The following ZYG11B variants were observed in gnomAD, a reference collection of about 807,000 sequenced individuals.
ZYG11B encodes protein zyg-11 homolog B.
In ZYG11B, 36 loss-of-function variants were observed where a neutral mutation model predicts 82.4. The observed-to-expected ratio is 0.44, with a 90% CI of 0.33 to 0.58. The LOEUF (loss-of-function observed/expected upper bound fraction) is 0.58, where lower values mean the gene tolerates loss of function less well. Ranked by LOEUF, ZYG11B falls within the 20% of genes least tolerant of loss-of-function variation. ZYG11B has a pLI of 0.02. For missense variants in ZYG11B, 552 were observed against 895.6 expected, an observed-to-expected ratio of 0.62 and a Z score of 4.90; for synonymous variants, 303 against 312.8, an observed-to-expected ratio of 0.97 and a Z score of 0.33.
chr1:52,827,254 AG>A lies in ZYG11B; in HGVS notation c.*5627del, dbSNP rs1645332274. ...CATGAATCATGCTGTATTTTAAATC[AG>A]GACATCACTTAAGTATTAATGTTGT... is the stretch of plus-strand genomic sequence containing the variant. On this transcript the variant is annotated 3_prime_UTR_variant, in exon 14 of 14. Transcript: ENST00000294353. The A allele has an allele frequency of 6.6e-6, 1 of 152,220 alleles. No individual in the cohort carries two copies. Among genetic ancestry groups the A allele is most frequent in the Admixed American group, 6.5e-5 (1 of 15,274 alleles). 9.4% of individuals were successfully genotyped at this position (152,220 alleles called of 1,614,324 possible). A position where few individuals can be genotyped will look rare whatever the true frequency, so the allele number is the denominator to read the frequency against.
intron 8 of ZYG11B, among the ~76,000 whole-genome samples, chr1:52,801,223 A>C (rs1645073422): frequency 6.6e-6 from 1 of 152,262 alleles, no homozygotes; most frequent in Non-Finnish European, 1.5e-5. Flanking sequence ...AAGGCTGAGG[A>C]GGGAGGGGCT....
At position 52,771,661 on chromosome 1, in the gene ZYG11B, A is replaced by T. The variant is rs1426977547; in HGVS notation, c.838A>T (p.Thr280Ser). ...GGATGTTTCTGGGAGAAAGCACGTGACAGATAAAGCCGTTGAAGCCTTTAT... is the reference window on the plus strand; with the variant it reads ...GGATGTTTCTGGGAGAAAGCACGTGTCAGATAAAGCCGTTGAAGCCTTTAT... ...SLDVSGRKHV[T>S]DKAVEAFIQQ... The change falls in exon 3 of 14, where the codon ACA (threonine) becomes TCA (serine). Residue 280 changes from threonine (T) to serine (S), a missense_variant. By Grantham distance (58) the Thr-to-Ser change is moderately conservative (BLOSUM62 1). Transcript: ENST00000294353. The surrounding 1 kb of genome is among the most constrained non-coding windows in gnomAD (Gnocchi z 5.4). 1 of 1,614,256 alleles carries T rather than the reference A, an allele frequency of 6.2e-7. No individual in the cohort carries two copies.
chr1:52,776,229 A>AAAAAAAAAAAAAAAAAAATATATATATAT, intron 3 of ZYG11B, among the ~76,000 whole-genome samples: 5 of 23,532 alleles, frequency 2.1e-4, no homozygotes, highest in Admixed American at 8.1e-4. Context: ...TAAAAAAAAA[A>AAAAAAAAAAAAAAAAAAATATATATATAT]ATATATATAT....
In ZYG11B at chr1:52,803,265, T is replaced by TACAC. The variant is rs1227030663; in HGVS notation, c.1695+1138_1695+1141dup. ...ACACACACACATATATATATATATA[T>TACAC]ACACACACACACACATATATATATA... On this transcript the variant is annotated intron_variant, in intron 10 of 13. Coordinates refer to ENST00000294353, the MANE Select transcript of ZYG11B (RefSeq NM_024646.3). Among the ~76,000 whole-genome samples the TACAC allele has an allele frequency of 1.4e-3, 103 of 72,302 alleles. 2 individuals are homozygous for TACAC. The highest frequency in any genetic ancestry group is 2.7e-3 in the East Asian group (7 of 2,564). The allele number at this position is 72,302 out of a possible 152,430, so 47.4% of individuals were successfully genotyped here. A position where few individuals can be genotyped will look rare whatever the true frequency, so the allele number is the denominator to read the frequency against.
chr1:52,815,827 TG>T (rs59574837), intron 12 of ZYG11B, among the ~76,000 whole-genome samples: 24,404 of 151,714 alleles, frequency 0.16, 2,494 homozygotes, highest in Non-Finnish European at 0.21. Context: ...CCCAGCTACT[TG>T]GGAGGCTGAG....
At chr1:52,779,784 C>G in intron 3 of ZYG11B, 69 bp from the exon 4 acceptor site, 1 of 1,587,528 alleles carries the variant, frequency 6.3e-7, no homozygotes, top group South Asian at 1.1e-5. Flanking sequence ...GCCACCGCGC[C>G]TGGCCACACA....
At chr1:52,802,719 GAA>G in intron 10 of ZYG11B, among the ~76,000 whole-genome samples, 1 of 151,912 alleles carries the variant, frequency 6.6e-6, no homozygotes, top group Non-Finnish European at 1.5e-5. Context: ...GAGAAAGAAA[GAA>G]AGTTGCTGCT....
In ZYG11B at chr1:52,797,421, T is replaced by TATATATATA. The variant is rs1558137802; in HGVS notation, c.1485+638_1485+639insTATATATAA. ...TATATGAAATATATATCATATATTA[T>TATATATATA]ACATATTATATATAACATATATATT... On this transcript the variant is annotated intron_variant, in intron 8 of 13. Coordinates refer to ENST00000294353, the MANE Select transcript of ZYG11B (RefSeq NM_024646.3). Among the ~76,000 whole-genome samples, 488 of 102,688 alleles carry TATATATATA rather than the reference T, an allele frequency of 4.8e-3. 1 individual carries two copies. Among genetic ancestry groups the TATATATATA allele is most frequent in the African/African-American group, 0.019 (458 of 23,776 alleles). The allele number at this position is 102,688 out of a possible 152,430, so 67.4% of individuals were successfully genotyped here.
At chr1:52,793,896 C>CTTACTTCCTTCT (rs1553261687) in intron 6 of ZYG11B, among the ~76,000 whole-genome samples, 1 of 148,856 alleles carries the variant, frequency 6.7e-6, no homozygotes, top group Non-Finnish European at 1.5e-5. Flanking sequence ...TCCTTCCTTC[C>CTTACTTCCTTCT]TTCCTTTCTT....
At chr1:52,801,692 A>G (rs374575193) in intron 8 of ZYG11B, 127 bp from the exon 9 acceptor site, 33 of 721,840 alleles carry the variant, frequency 4.6e-5, no homozygotes, top group East Asian at 2.8e-4. Flanking sequence ...GCTGTTTGTT[A>G]TAAGTACCTT....
chr1:52,796,797 T>A lies in ZYG11B; in HGVS notation c.1485+13T>A, dbSNP rs1387796692. The A allele has an allele frequency of 6.7e-7, 1 of 1,501,736 alleles. No homozygotes were observed. Among genetic ancestry groups the A allele is most frequent in the African/African-American group, 1.5e-5 (1 of 66,808 alleles). 93.0% of individuals were successfully genotyped at this position (1,501,736 alleles called of 1,614,324 possible). A position where few individuals can be genotyped will look rare whatever the true frequency, so the allele number is the denominator to read the frequency against. On this transcript the variant is annotated intron_variant, in intron 8 of 13. Coordinates refer to ENST00000294353, the MANE Select transcript of ZYG11B (RefSeq NM_024646.3). Reference sequence around the variant, plus strand: ...CTTCATTGTCAGGGTAAGTCTATAATCTCCTCCATTCAGGCCACTAGATAT... The same window carrying A: ...CTTCATTGTCAGGGTAAGTCTATAAACTCCTCCATTCAGGCCACTAGATAT...
intron 1 of ZYG11B, among the ~76,000 whole-genome samples, chr1:52,741,298 C>CAAAAGA (rs1644428137): frequency 2.8e-5 from 2 of 72,222 alleles, no homozygotes; most frequent in Non-Finnish European, 2.7e-5. Flanking sequence ...GACTTCGTCT[C>CAAAAGA]AAAAAAAAAA....
chr1:52,756,995 T>C (rs551055338), intron 2 of ZYG11B, among the ~76,000 whole-genome samples: 1 of 151,546 alleles, frequency 6.6e-6, no homozygotes, highest in African/African-American at 2.4e-5. Context: ...TTTCAACATT[T>C]TTCATTTCTA....
At chr1:52,763,545 G>C (rs968134665) in intron 2 of ZYG11B, among the ~76,000 whole-genome samples, 2 of 151,822 alleles carry the variant, frequency 1.3e-5, no homozygotes, top group Non-Finnish European at 2.9e-5. Flanking sequence ...GTGTCAAACT[G>C]CTGGGCTCAA....
intron 13 of ZYG11B, among the ~76,000 whole-genome samples, chr1:52,819,135 A>C (rs1327353820): frequency 6.6e-6 from 1 of 152,180 alleles, no homozygotes; most frequent in African/African-American, 2.4e-5. Flanking sequence ...CAATGCAGTA[A>C]AAGCTCTTCT....
At chr1:52,803,263 T>TACAC (rs1464532286) in intron 10 of ZYG11B, among the ~76,000 whole-genome samples, 1 of 80,464 alleles carries the variant, frequency 1.2e-5, no homozygotes. Flanking sequence ...TATATATATA[T>TACAC]ATACACACAC....
chr1:52,797,187 T>TTA (rs1276651043), intron 8 of ZYG11B, among the ~76,000 whole-genome samples: 3 of 78,534 alleles, frequency 3.8e-5, no homozygotes, highest in Non-Finnish European at 4.2e-5. Flanking sequence ...TATTTATATA[T>TTA]TATATATAAA....
intron 1 of ZYG11B, among the ~76,000 whole-genome samples, chr1:52,744,018 C>A (rs1199142967): frequency 6.6e-6 from 1 of 151,966 alleles, no homozygotes; most frequent in Admixed American, 6.6e-5. Context: ...CTCACTGCAA[C>A]CTCCGCCTCC....
chr1:52,794,298 C>T (rs1644988640), intron 6 of ZYG11B, among the ~76,000 whole-genome samples: 1 of 152,008 alleles, frequency 6.6e-6, no homozygotes, highest in Non-Finnish European at 1.5e-5. Context: ...AATGTGCAGG[C>T]ACACATTGAT....
Sources: gnomAD v4.1 joint callset for allele counts (sites outside exome capture counted in the v4.1 genomes callset) on GRCh38, gnomAD v4.1.1 for gene constraint, Gnocchi (gnomAD v3.1) non-coding constraint, MANE v1.5 for transcripts, NCBI Gene and HGNC (gene_info 2026-07-23, HGNC 2026-07-21) for gene names.